TNRC6B: variants seen among roughly 807,000 people sequenced by gnomAD.
TNRC6B encodes the protein trinucleotide repeat containing adaptor 6B.
In TNRC6B, 52 loss-of-function variants were observed where a neutral mutation model predicts 203.6. The ratio of observed to expected loss-of-function variants is 0.26; its 90% CI spans 0.20 to 0.32. TNRC6B has a LOEUF of 0.32. Ranked by LOEUF, TNRC6B falls within the 10% of genes least tolerant of loss-of-function variation. TNRC6B has a pLI of 1.00. For synonymous variants in TNRC6B, 838 were observed against 845.7 expected, an observed-to-expected ratio of 0.99 and a Z score of 0.16; for missense variants, 1,923 against 2,286.2, an observed-to-expected ratio of 0.84 and a Z score of 3.24.
Position 40,330,384 on chromosome 22 carries a change from C to G in TNRC6B, c.*7143C>G, listed in dbSNP as rs770840273. 2.0e-5 allele frequency: 3 copies of G among 152,210 alleles called. No homozygotes were observed. The highest frequency in any genetic ancestry group is 2.9e-5 in the Non-Finnish European group (2 of 68,070). 9.4% of individuals were successfully genotyped at this position (152,210 alleles called of 1,614,324 possible). ...GTGTGTACAACTCCCAGAGGGGTGG[C>G]TGTAAAAGTTGACTGGAGGCAAAGT... On this transcript the variant is annotated 3_prime_UTR_variant, in exon 23 of 23. Coordinates refer to ENST00000454349, the MANE Select transcript of TNRC6B (RefSeq NM_001162501.2).
intron 12 of TNRC6B, among the ~76,000 whole-genome samples, chr22:40,292,724 G>C (rs1473168637): frequency 6.6e-6 from 1 of 152,174 alleles, no homozygotes; most frequent in African/African-American, 2.4e-5. Context: ...CTTTTCCCTG[G>C]TCCTTCTGTA....
chr22:40,132,661 A>C (rs1189602545), intron 3 of TNRC6B, among the ~76,000 whole-genome samples: 2 of 146,336 alleles, frequency 1.4e-5, no homozygotes, highest in East Asian at 4.0e-4. Context: ...AAAAAAAAAA[A>C]GGCTGGGCGC....
At chr22:40,173,571 C>T (rs1385020190), upstream of TNRC6B, among the ~76,000 whole-genome samples, 6 of 150,546 alleles carry the variant, frequency 4.0e-5, no homozygotes, top group Non-Finnish European at 8.9e-5. Flanking sequence ...CCCCACCAAG[C>T]CTGGCTGACT....
intron 3 of TNRC6B, among the ~76,000 whole-genome samples, chr22:40,132,969 A>AAATATATATATATATATATATATAT (rs1282694632): frequency 1.3e-5 from 1 of 78,192 alleles, no homozygotes; most frequent in Non-Finnish European, 2.6e-5. Flanking sequence ...AAAAAAAAAA[A>AAATATATATATATATATATATATAT]ATATATATAT....
intron 3 of TNRC6B, among the ~76,000 whole-genome samples, chr22:40,131,313 G>T (rs1038827559): frequency 6.6e-6 from 1 of 152,050 alleles, no homozygotes; most frequent in Admixed American, 6.6e-5. Flanking sequence ...CATTTTCTTG[G>T]AGAGAGATGT....
chr22:40,218,977 T>C (rs1291677720), intron 1 of TNRC6B, among the ~76,000 whole-genome samples: 1 of 152,234 alleles, frequency 6.6e-6, no homozygotes, highest in Non-Finnish European at 1.5e-5. Context: ...TTCCTGGGCA[T>C]TCTGAGAAGC....
chr22:40,128,691 C>CT (rs563991317), intron 3 of TNRC6B, among the ~76,000 whole-genome samples: 10,702 of 145,366 alleles, frequency 0.074, 1,214 homozygotes, highest in African/African-American at 0.24. Flanking sequence ...ACCTGGCTCT[C>CT]TTTTTTTTTT....
intron 3 of TNRC6B, among the ~76,000 whole-genome samples, chr22:40,141,039 A>G (rs541643771): frequency 6.6e-6 from 1 of 152,266 alleles, no homozygotes; most frequent in Non-Finnish European, 1.5e-5. Flanking sequence ...AAGTACAGAG[A>G]ATAAAATAAC....
intron 3 of TNRC6B, among the ~76,000 whole-genome samples, chr22:40,133,563 A>G (rs2068571340): frequency 1.3e-5 from 2 of 152,192 alleles, no homozygotes; most frequent in African/African-American, 4.8e-5. Context: ...TGGAGAGGGA[A>G]CACTTGAACT....
rs552773989 is a variant in TNRC6B at position 40,266,096 on chromosome 22, C to G, written c.1866C>G (p.Gly622=). Residue 622 remains glycine, a synonymous_variant, in exon 5 of 23, where the codon GGC becomes GGG. Transcript: ENST00000454349. ...ACCCCAGGGTGCTCTCAAACACTGGCTGGGGCCAAACTCAAATTAAGCAGG... is the reference window on the plus strand; with the variant it reads ...ACCCCAGGGTGCTCTCAAACACTGGGTGGGGCCAAACTCAAATTAAGCAGG... ...DLDPRVLSNT[G]WGQTQIKQDT... The G allele has an allele frequency of 5.0e-6, 8 of 1,613,756 alleles. No individual in the cohort carries two copies. In the South Asian group the frequency reaches 8.8e-5, roughly 18 times the overall value.
In TNRC6B at chr22:40,301,064, C is replaced by A. The variant is rs1036349422; in HGVS notation, c.3936+59C>A. The A allele has an allele frequency of 7.0e-6, 11 of 1,576,432 alleles. No homozygotes were observed. In the African/African-American group the frequency reaches 1.2e-4, roughly 17 times the overall value. ...GTTGGAGGAGTACATCCCGGCTTAG[C>A]CTCTGATGGCAAAGAACCGGGCACA... is the stretch of plus-strand genomic sequence containing the variant. On this transcript the variant is annotated intron_variant, in intron 14 of 22. Transcript: ENST00000454349.
At chr22:40,245,214 C>T (rs2070089482) in intron 1 of TNRC6B, among the ~76,000 whole-genome samples, 1 of 152,068 alleles carries the variant, frequency 6.6e-6, no homozygotes. Context: ...CCTCAGCCTC[C>T]CGAGTAGCTG....
intron 1 of TNRC6B, among the ~76,000 whole-genome samples, chr22:40,073,599 T>G (rs1401480450): frequency 6.6e-6 from 1 of 152,048 alleles, no homozygotes; most frequent in Non-Finnish European, 1.5e-5. Context: ...AAAATCAACT[T>G]AGTAGAAATA....
intron 1 of TNRC6B, among the ~76,000 whole-genome samples, chr22:40,065,803 C>G (rs1234072445): frequency 6.6e-6 from 1 of 152,116 alleles, no homozygotes; most frequent in African/African-American, 2.4e-5. Context: ...ACTGAATCTT[C>G]TGAGTCTTCT....
In TNRC6B at chr22:40,310,923, C is replaced by G. The variant is rs745502524; in HGVS notation, c.4365C>G (p.Ser1455Arg). Residue 1455 changes from serine to arginine, a missense_variant, in exon 17 of 23, where the codon AGC becomes AGG. Physicochemically the swap from Ser to Arg is moderately radical, Grantham distance 110. Coordinates refer to ENST00000454349, the MANE Select transcript of TNRC6B (RefSeq NM_001162501.2). ...GCCATACGGGTCCTGCTGGTGATAG[C>G]TGGTTACCTGCCAAATCTCCACCAA... ...LGGHTGPAGD[S>R]WLPAKSPPTN... The G allele has an allele frequency of 6.2e-7, 1 of 1,611,122 alleles. No homozygotes were observed. Among genetic ancestry groups the G allele is most frequent in the South Asian group, 1.1e-5 (1 of 90,558 alleles).
chr22:40,257,241 C>G (rs151159558), intron 3 of TNRC6B, among the ~76,000 whole-genome samples: 104 of 152,136 alleles, frequency 6.8e-4, no homozygotes, highest in African/African-American at 1.9e-3. Context: ...TGTTCAGAAC[C>G]CTGCCTGGTT....
At chr22:40,140,793 A>G (rs1276933318) in intron 3 of TNRC6B, among the ~76,000 whole-genome samples, 1 of 151,946 alleles carries the variant, frequency 6.6e-6, no homozygotes, top group Non-Finnish European at 1.5e-5. Context: ...GGTGCATGCC[A>G]CCATGCCTGG....
rs547512330 is a variant in TNRC6B at position 40,194,875 on chromosome 22, C to G, written c.5+16735C>G. Among the ~76,000 whole-genome samples, 75 of 152,326 alleles carry G rather than the reference C, an allele frequency of 4.9e-4. 1 individual carries two copies. Among genetic ancestry groups the G allele is most frequent in the African/African-American group, 1.7e-3 (72 of 41,560 alleles). On this transcript the variant is annotated intron_variant, in intron 1 of 22. Coordinates refer to ENST00000454349, the MANE Select transcript of TNRC6B (RefSeq NM_001162501.2). ...GGAGGCGAACTGGTGTTTCCTGCTA[C>G]AGAACACTGGTGCATCTGCAGTGGT... is the stretch of plus-strand genomic sequence containing the variant.
At chr22:40,178,939 G>T (rs2069099755) in intron 1 of TNRC6B, among the ~76,000 whole-genome samples, 1 of 152,178 alleles carries the variant, frequency 6.6e-6, no homozygotes, top group Non-Finnish European at 1.5e-5. Context: ...TTCTTTATCA[G>T]TTCTCCCTGT....
Sources: allele counts gnomAD v4.1 joint callset (sites outside exome capture counted in the v4.1 genomes callset), GRCh38; gene constraint gnomAD v4.1.1; transcripts MANE v1.5; gene names NCBI Gene and HGNC (gene_info 2026-07-23, HGNC 2026-07-21).